The following FMN2 variants were observed in gnomAD, a reference collection of about 807,000 sequenced individuals.
FMN2 encodes the protein formin-2.
Under a neutral mutation model 142.3 loss-of-function variants are expected in FMN2, and 51 were observed. That is an observed-to-expected ratio of 0.36 (90% CI 0.29 to 0.45). The LOEUF is 0.45. Among genes scored for constraint, FMN2 ranks in the 20% least tolerant of loss-of-function variants. FMN2 has a pLI of 1.00. For missense variants in FMN2, 1,936 were observed against 2,122.8 expected (o/e 0.91, Z 1.73); for synonymous variants, 882 against 869.8 (o/e 1.01, Z -0.25).
intron 4 of FMN2, among the ~76,000 whole-genome samples, chr1:240,191,150 C>A (rs1665682086): frequency 1.3e-5 from 2 of 152,222 alleles, no homozygotes; most frequent in Admixed American, 1.3e-4. Context: ...AGTTGGAAAG[C>A]ATCCTCTCTA....
At chr1:240,235,249 AAG>A (rs2102856228) in intron 6 of FMN2, among the ~76,000 whole-genome samples, 1 of 152,342 alleles carries the variant, frequency 6.6e-6, no homozygotes, top group African/African-American at 2.4e-5. Context: ...CAAGTTGAGA[AAG>A]AGTGCATGGA....
At chr1:240,408,952 G>A (rs1002517856) in intron 15 of FMN2, among the ~76,000 whole-genome samples, 2 of 152,034 alleles carry the variant, frequency 1.3e-5, no homozygotes, top group South Asian at 2.1e-4. Flanking sequence ...TTCAAAACTC[G>A]TGCAGCTTAG....
intron 2 of FMN2, among the ~76,000 whole-genome samples, chr1:240,135,779 A>G (rs1245044989): frequency 6.6e-6 from 1 of 150,914 alleles, no homozygotes; most frequent in Non-Finnish European, 1.5e-5. Context: ...TCCTGGGTTC[A>G]AGCGATTCTC....
chr1:240,258,820 C>T (rs1668533777), intron 7 of FMN2, among the ~76,000 whole-genome samples: 1 of 152,070 alleles, frequency 6.6e-6, no homozygotes, highest in South Asian at 2.1e-4. Context: ...CTGACTAGAA[C>T]CTAAGAATAG....
chr1:240,444,048 G>T (rs138730178), intron 16 of FMN2, among the ~76,000 whole-genome samples: 43 of 152,212 alleles, frequency 2.8e-4, no homozygotes, highest in African/African-American at 9.1e-4. Context: ...CTATGGTCTA[G>T]GTCCTGGGAA....
chr1:240,131,695 C>T (rs1377517152), intron 2 of FMN2, among the ~76,000 whole-genome samples: 7 of 151,280 alleles, frequency 4.6e-5, no homozygotes, highest in South Asian at 2.1e-4. Flanking sequence ...GGCAGCAGAG[C>T]GAGACTCTGT....
chr1:240,328,002 G>C (rs983966877), intron 8 of FMN2, among the ~76,000 whole-genome samples: 1 of 151,690 alleles, frequency 6.6e-6, no homozygotes, highest in Non-Finnish European at 1.5e-5. Context: ...CAAAAAATGA[G>C]CCAGGCGTGG....
rs116541687 is a variant in FMN2 at position 240,460,318 on chromosome 1, G to A, written c.5061-12054G>A. On this transcript the variant is annotated intron_variant, in intron 16 of 17. Transcript: ENST00000319653. ...AGAATCAAATGATTGTAGGCCAAGC[G>A]TGCTGGCTCGTGCCTGTAACACCAG... 3.4e-3 allele frequency among the ~76,000 whole-genome samples: 523 copies of A among 152,290 alleles called. 5 individuals are homozygous for A. The highest frequency in any genetic ancestry group is 0.012 in the African/African-American group (496 of 41,558).
intron 16 of FMN2, among the ~76,000 whole-genome samples, chr1:240,467,529 G>C (rs1395239510): frequency 6.6e-6 from 1 of 152,028 alleles, no homozygotes; most frequent in East Asian, 1.9e-4. Flanking sequence ...GCCTCCCAAA[G>C]TGCTGGGATT....
In FMN2 at chr1:240,360,771, C is replaced by T. The variant is rs540914583; in HGVS notation, c.4858+4863C>T. On this transcript the variant is annotated intron_variant, in intron 14 of 17. Coordinates refer to ENST00000319653, the MANE Select transcript of FMN2 (RefSeq NM_020066.5). ...ATTAAGAAAATGTGGCACATATACA[C>T]CATGGAATACTATGCAGCCATAAAA... is the stretch of plus-strand genomic sequence containing the variant. 1.2e-4 allele frequency among the ~76,000 whole-genome samples: 18 copies of T among 152,222 alleles called. No individual in the cohort carries two copies. The South Asian group carries it at 3.7e-3, about 32-fold the overall frequency.
intron 13 of FMN2, among the ~76,000 whole-genome samples, chr1:240,348,058 A>G (rs1277461893): frequency 6.6e-6 from 1 of 152,182 alleles, no homozygotes; most frequent in African/African-American, 2.4e-5. Context: ...TTGGGCATAT[A>G]TACGCAGTAA....
In FMN2 at chr1:240,455,972, CAAA is replaced by C. The variant is rs869115545; in HGVS notation, c.5061-16397_5061-16395del. On this transcript the variant is annotated intron_variant, in intron 16 of 17. Transcript: ENST00000319653. ...CCTGGGTGACGGAGCGAGACTGTCT[CAAA>C]AATAATAATAATAATAATAATAATA... Among the ~76,000 whole-genome samples the C allele has an allele frequency of 3.1e-5, 4 of 127,642 alleles. No individual in the cohort carries two copies. In the South Asian group the frequency reaches 7.5e-4, roughly 24 times the overall value. The allele number at this position is 127,642 out of a possible 152,430, so 83.7% of individuals were successfully genotyped here.
chr1:240,210,254 G>A (rs1572068975), intron 5 of FMN2, among the ~76,000 whole-genome samples: 1 of 152,264 alleles, frequency 6.6e-6, no homozygotes, highest in Non-Finnish European at 1.5e-5. Flanking sequence ...AGGGAAAAAC[G>A]CACACTGTAA....
intron 6 of FMN2, among the ~76,000 whole-genome samples, chr1:240,247,785 C>G (rs1000475009): frequency 9.9e-5 from 15 of 151,948 alleles, no homozygotes; most frequent in Admixed American, 2.6e-4. Flanking sequence ...TGTGATGAGG[C>G]CTGAGAACTT....
At chr1:240,159,974 TACAC>T (rs1185408892) in intron 2 of FMN2, among the ~76,000 whole-genome samples, 21 of 134,078 alleles carry the variant, frequency 1.6e-4, no homozygotes, top group Admixed American at 1.1e-3. Context: ...TATATATATA[TACAC>T]ACACACACAC....
intron 15 of FMN2, among the ~76,000 whole-genome samples, chr1:240,407,393 C>T (rs1322992049): frequency 6.6e-6 from 1 of 152,114 alleles, no homozygotes; most frequent in African/African-American, 2.4e-5. Context: ...CCCGCCTCGG[C>T]CCCCCAGAGT....
intron 1 of FMN2, among the ~76,000 whole-genome samples, chr1:240,103,133 T>G (rs1661472422): frequency 6.6e-6 from 1 of 152,212 alleles, no homozygotes; most frequent in Non-Finnish European, 1.5e-5. Flanking sequence ...CCCAAAATGC[T>G]GGGATTTCAG....
chr1:240,102,193 A>G (rs1312871603), intron 1 of FMN2, among the ~76,000 whole-genome samples: 1 of 152,174 alleles, frequency 6.6e-6, no homozygotes, highest in Non-Finnish European at 1.5e-5. Context: ...AGAAACTAGA[A>G]GGTTAAAAGG....
intron 14 of FMN2, among the ~76,000 whole-genome samples, chr1:240,373,012 T>C (rs1381847566): frequency 6.6e-6 from 1 of 151,996 alleles, no homozygotes; most frequent in Non-Finnish European, 1.5e-5. Flanking sequence ...CGGTGAAACC[T>C]CACCTCTACT....
Sources: allele counts gnomAD v4.1 joint callset (sites outside exome capture counted in the v4.1 genomes callset), GRCh38; gene constraint gnomAD v4.1.1; transcripts MANE v1.5; gene names NCBI Gene and HGNC (gene_info 2026-07-23, HGNC 2026-07-21).